Variants in CTNNA2 observed in about 807,000 individuals in gnomAD.
CTNNA2 encodes the protein catenin alpha 2.
A neutral mutation model predicts 101.0 loss-of-function variants in CTNNA2; 42 were observed. That is an observed-to-expected ratio of 0.42 (90% CI 0.32 to 0.54). The LOEUF (loss-of-function observed/expected upper bound fraction) is 0.54, where lower values mean the gene tolerates loss of function less well. Ranked by LOEUF, CTNNA2 falls within the 20% of genes least tolerant of loss-of-function variation. The probability of loss-of-function intolerance (pLI) is 0.14; values close to 1 mark genes in which losing one functional copy is unlikely to be tolerated. For missense variants in CTNNA2, 871 were observed against 1,223.1 expected, an observed-to-expected ratio of 0.71 and a Z score of 4.29; for synonymous variants, 450 against 456.4, an observed-to-expected ratio of 0.99 and a Z score of 0.18.
At chr2:79,740,808 C>T (rs1241922733) in intron 2 of CTNNA2, among the ~76,000 whole-genome samples, 1 of 151,502 alleles carries the variant, frequency 6.6e-6, no homozygotes, top group South Asian at 2.1e-4. Context: ...TTGTCTCTCT[C>T]GAGTCATGTG....
chr2:80,061,456 G>T (rs1697593751), intron 7 of CTNNA2, among the ~76,000 whole-genome samples: 1 of 152,058 alleles, frequency 6.6e-6, no homozygotes, highest in South Asian at 2.1e-4. Context: ...AACATTATAA[G>T]ATTTAATTAA....
rs1279252426 is a variant in CTNNA2, at chr2:80,464,363, A to G, written c.1290+44762A>G. On this transcript the variant is annotated intron_variant, in intron 9 of 18. Coordinates refer to ENST00000402739, the MANE Select transcript of CTNNA2 (RefSeq NM_001282597.3). ...TCAGACATTGGGTTAAAACTGATTC[A>G]TGCAATGAAATGGACAAATTTGAGT... is the stretch of plus-strand genomic sequence containing the variant. 2.0e-5 allele frequency among the ~76,000 whole-genome samples: 3 copies of G among 152,316 alleles called. No homozygotes were observed. The East Asian group carries it at 5.8e-4, about 29-fold the overall frequency.
chr2:79,751,242 T>C (rs1257384869), intron 3 of CTNNA2, among the ~76,000 whole-genome samples: 1 of 151,990 alleles, frequency 6.6e-6, no homozygotes, highest in Non-Finnish European at 1.5e-5. Context: ...CACTAATAAT[T>C]GGAGGTTGGA....
At chr2:79,435,729 G>A (rs1234763347) in intron 4 of CTNNA2, among the ~76,000 whole-genome samples, 1 of 152,156 alleles carries the variant, frequency 6.6e-6, no homozygotes, top group Non-Finnish European at 1.5e-5. Flanking sequence ...GTCTGGGGCA[G>A]CACCCAGCAA....
intron 9 of CTNNA2, among the ~76,000 whole-genome samples, chr2:80,463,070 G>A (rs544228635): frequency 2.0e-5 from 3 of 152,248 alleles, no homozygotes; most frequent in African/African-American, 7.2e-5. Flanking sequence ...AGTTGGCGCT[G>A]TGATGCGATG....
At chr2:80,395,705 A>C (rs2149370994) in intron 8 of CTNNA2, among the ~76,000 whole-genome samples, 1 of 152,320 alleles carries the variant, frequency 6.6e-6, no homozygotes, top group Middle Eastern at 3.4e-3. Flanking sequence ...CTAATGGCTC[A>C]AGCAAATGTA....
chr2:79,552,571 G>A (rs2104065335), intron 1 of CTNNA2, among the ~76,000 whole-genome samples: 1 of 152,256 alleles, frequency 6.6e-6, no homozygotes, highest in South Asian at 2.1e-4. Context: ...TCTCCCTGAA[G>A]GCTCTGCCCC....
At chr2:80,636,666 G>A (rs1030812110) in intron 18 of CTNNA2, among the ~76,000 whole-genome samples, 1 of 152,034 alleles carries the variant, frequency 6.6e-6, no homozygotes, top group African/African-American at 2.4e-5. Context: ...GGAATTTAAG[G>A]TCCTTGAAGT....
chr2:80,596,512 C>A (rs562777324), intron 15 of CTNNA2, among the ~76,000 whole-genome samples: 2 of 151,202 alleles, frequency 1.3e-5, no homozygotes, highest in South Asian at 4.2e-4. Context: ...CGGGGCTTCA[C>A]CGTGTTCGCC....
At chr2:79,510,900 T>C (rs1671520400), upstream of CTNNA2, among the ~76,000 whole-genome samples, 1 of 151,696 alleles carries the variant, frequency 6.6e-6, no homozygotes, top group Non-Finnish European at 1.5e-5. Context: ...TGGTTTACAT[T>C]ATTTTTCTTT....
At chr2:80,107,395 C>T (rs1700954544) in intron 7 of CTNNA2, among the ~76,000 whole-genome samples, 1 of 151,570 alleles carries the variant, frequency 6.6e-6, no homozygotes, top group African/African-American at 2.4e-5. Flanking sequence ...AGAGATGGCT[C>T]TTGATTTCAG....
chr2:80,227,756 T>C (rs911690699), intron 7 of CTNNA2, among the ~76,000 whole-genome samples: 3 of 152,158 alleles, frequency 2.0e-5, no homozygotes, highest in Non-Finnish European at 2.9e-5. Context: ...ATAGTGAAGA[T>C]GACATTTATG....
intron 7 of CTNNA2, among the ~76,000 whole-genome samples, chr2:79,924,721 A>C (rs1054982586): frequency 3.3e-5 from 5 of 152,098 alleles, no homozygotes; most frequent in African/African-American, 1.2e-4. Context: ...TTTGGGATAA[A>C]AGTAGAGGTG....
intron 8 of CTNNA2, among the ~76,000 whole-genome samples, chr2:80,407,122 G>T (rs1396217456): frequency 6.6e-6 from 1 of 152,048 alleles, no homozygotes; most frequent in Non-Finnish European, 1.5e-5. Flanking sequence ...GCTTATATTA[G>T]AAAAGGAATT....
intron 9 of CTNNA2, among the ~76,000 whole-genome samples, chr2:80,452,234 C>A (rs187482863): frequency 2.0e-5 from 3 of 147,154 alleles, no homozygotes; most frequent in African/African-American, 8.2e-5. Flanking sequence ...TATTTAACTT[C>A]AGAGCCTGTT....
chr2:80,314,971 G>A (rs938189130), intron 7 of CTNNA2, among the ~76,000 whole-genome samples: 1 of 152,214 alleles, frequency 6.6e-6, no homozygotes, highest in Admixed American at 6.5e-5. Context: ...TTTAGAAGCT[G>A]TGTGATCTGG....
At chr2:79,959,007 A>G (rs1689441503) in intron 7 of CTNNA2, among the ~76,000 whole-genome samples, 1 of 152,050 alleles carries the variant, frequency 6.6e-6, no homozygotes, top group South Asian at 2.1e-4. Flanking sequence ...GGATGTATTA[A>G]TCAACACCAT....
intron 9 of CTNNA2, among the ~76,000 whole-genome samples, chr2:80,475,833 A>C (rs564590812): frequency 6.6e-6 from 1 of 152,336 alleles, no homozygotes; most frequent in South Asian, 2.1e-4. Flanking sequence ...TGAAGGGGAA[A>C]GAAAAAACAG....
At chr2:80,553,418 C>G in intron 11 of CTNNA2, among the ~76,000 whole-genome samples, 1 of 152,052 alleles carries the variant, frequency 6.6e-6, no homozygotes, top group East Asian at 1.9e-4. Context: ...CCTATAAAAA[C>G]ATATTTCTTG....
Sources: gnomAD v4.1 joint callset for allele counts (sites outside exome capture counted in the v4.1 genomes callset) on GRCh38, gnomAD v4.1.1 for gene constraint, MANE v1.5 for transcripts, NCBI Gene and HGNC (gene_info 2026-07-23, HGNC 2026-07-21) for gene names.